Variants in CSTPP1 observed in about 807,000 individuals in gnomAD.
CSTPP1 encodes centriolar satellite-associated tubulin polyglutamylase complex regulator 1.
chr11:47,069,029 T>A, the CSTPP1 span, among the ~76,000 whole-genome samples: 1 of 152,210 alleles, frequency 6.6e-6, no homozygotes, highest in African/African-American at 2.4e-5. Context: ...GTGTGTATAT[T>A]AAAATTTACT....
At chr11:46,980,481 A>G in the CSTPP1 span, among the ~76,000 whole-genome samples, 2 of 152,228 alleles carry the variant, frequency 1.3e-5, no homozygotes, top group Non-Finnish European at 1.5e-5. Flanking sequence ...GTTCTCAGAA[A>G]GTTCTGTTTG....
At chr11:47,054,328 A>T in the CSTPP1 span, among the ~76,000 whole-genome samples, 5 of 151,104 alleles carry the variant, frequency 3.3e-5, no homozygotes, top group South Asian at 6.3e-4. Context: ...AAAAAAAAAA[A>T]AAAAAGACCC....
At chr11:47,070,021 T>C in the CSTPP1 span, among the ~76,000 whole-genome samples, 3 of 152,244 alleles carry the variant, frequency 2.0e-5, no homozygotes, top group East Asian at 5.8e-4. Flanking sequence ...CCGTTGTTGC[T>C]TTTTAATTTT....
At chr11:47,032,738 A>G in the CSTPP1 span, among the ~76,000 whole-genome samples, 2 of 152,182 alleles carry the variant, frequency 1.3e-5, no homozygotes, top group Non-Finnish European at 2.9e-5. Context: ...AAGGATATCT[A>G]TTTTATGCTA....
the CSTPP1 span, among the ~76,000 whole-genome samples, chr11:47,127,873 A>AT: frequency 6.6e-6 from 1 of 151,080 alleles, no homozygotes; most frequent in African/African-American, 2.4e-5. Flanking sequence ...CTTGATTATT[A>AT]TTATTATTTT....
the CSTPP1 span, chr11:47,123,348 AAG>A: frequency 6.6e-6 from 1 of 152,234 alleles, no homozygotes; most frequent in Admixed American, 6.5e-5. Flanking sequence ...TTTTCTAAAA[AAG>A]AGAGCTATCT....
the CSTPP1 span, among the ~76,000 whole-genome samples, chr11:47,015,504 A>G: frequency 6.6e-6 from 1 of 151,436 alleles, no homozygotes; most frequent in East Asian, 1.9e-4. Context: ...CAAAAAATAT[A>G]TATATGTATA....
the CSTPP1 span, among the ~76,000 whole-genome samples, chr11:47,105,561 A>G: frequency 6.6e-6 from 1 of 152,132 alleles, no homozygotes; most frequent in African/African-American, 2.4e-5. Flanking sequence ...TTTATTGAAC[A>G]CTTACTGTGT....
the CSTPP1 span, among the ~76,000 whole-genome samples, chr11:47,016,994 C>T: frequency 6.7e-6 from 1 of 150,318 alleles, no homozygotes; most frequent in Admixed American, 6.6e-5. Context: ...AGGCGCCCAC[C>T]ACCACGCCTG....
the CSTPP1 span, among the ~76,000 whole-genome samples, chr11:46,969,560 C>G: frequency 6.6e-6 from 1 of 152,118 alleles, no homozygotes; most frequent in Admixed American, 6.6e-5. Context: ...TACTAGAATG[C>G]TCGTAGTGGC....
At chr11:47,131,045 G>C in the CSTPP1 span, among the ~76,000 whole-genome samples, 1 of 152,154 alleles carries the variant, frequency 6.6e-6, no homozygotes, top group East Asian at 1.9e-4. Context: ...TCCAGCACTA[G>C]CTCACTCAAC....
At chr11:47,083,188 TC>T in the CSTPP1 span, among the ~76,000 whole-genome samples, 7 of 152,328 alleles carry the variant, frequency 4.6e-5, no homozygotes, top group South Asian at 1.5e-3. Flanking sequence ...TCCAGCTCCA[TC>T]CTTGTCCCTG....
chr11:47,160,057 T>C, the CSTPP1 span: 1 of 219,020 alleles, frequency 4.6e-6, no homozygotes, highest in South Asian at 6.3e-5. Context: ...ATCCCAGCAT[T>C]TGGGGAGGCT....
chr11:47,133,522 G>A, the CSTPP1 span, among the ~76,000 whole-genome samples: 1 of 152,202 alleles, frequency 6.6e-6, no homozygotes, highest in Non-Finnish European at 1.5e-5. Context: ...GTGGCCACCA[G>A]CACAGTGGTC....
At chr11:46,936,792 A>ACCC in the CSTPP1 span, 7 of 1,610,304 alleles carry the variant, frequency 4.3e-6, no homozygotes, top group South Asian at 2.2e-5. Context: ...CTTTGAAGCC[A>ACCC]CCCCGGTCAA....
chr11:47,146,088 C>G, the CSTPP1 span, among the ~76,000 whole-genome samples: 1 of 152,010 alleles, frequency 6.6e-6, no homozygotes, highest in Non-Finnish European at 1.5e-5. Context: ...ATTGGCTGGG[C>G]ACAGTGGCTC....
At chr11:47,134,279 C>T in the CSTPP1 span, among the ~76,000 whole-genome samples, 3 of 152,044 alleles carry the variant, frequency 2.0e-5, no homozygotes, top group African/African-American at 7.2e-5. Context: ...CTCACTGCAA[C>T]CTCTGCCTTC....
chr11:47,148,929 G>A, the CSTPP1 span, among the ~76,000 whole-genome samples: 1 of 152,160 alleles, frequency 6.6e-6, no homozygotes, highest in African/African-American at 2.4e-5. Flanking sequence ...CGTGCCACTA[G>A]ACCAGGGAAA....
the CSTPP1 span, among the ~76,000 whole-genome samples, chr11:47,130,041 G>C: frequency 6.6e-6 from 1 of 152,066 alleles, no homozygotes; most frequent in Non-Finnish European, 1.5e-5. Flanking sequence ...GGCGGACCAC[G>C]AGGTCAAGAG....
Sources: allele counts gnomAD v4.1 joint callset (sites outside exome capture counted in the v4.1 genomes callset), GRCh38; gene constraint gnomAD v4.1.1; transcripts MANE v1.5; gene names NCBI Gene and HGNC (gene_info 2026-07-23, HGNC 2026-07-21).